Variants in RIPOR3 observed in about 807,000 individuals in gnomAD.
RIPOR3 encodes family with sequence similarity 65 member C.
Under a neutral mutation model 114.3 loss-of-function variants are expected in RIPOR3, and 95 were observed. The observed-to-expected ratio is 0.83, with a 90% CI of 0.70 to 0.99. RIPOR3 has a LOEUF of 0.99. Ranked by LOEUF, RIPOR3 falls within the 50% of genes least tolerant of loss-of-function variation. The pLI, the probability that RIPOR3 is intolerant of heterozygous loss-of-function variation, is 0.00. For missense variants in RIPOR3, 1,252 were observed against 1,266.9 expected (o/e 0.99, Z 0.18); for synonymous variants, 575 against 543.8 (o/e 1.06, Z -0.80).
At chr20:50,609,268 G>A (rs148160992) in intron 8 of RIPOR3, 25 bp downstream of exon 8, 38 of 1,611,536 alleles carry the variant, frequency 2.4e-5, no homozygotes, top group Middle Eastern at 3.3e-4. Context: ...AAAGGCCTCC[G>A]CCCACCCCCT....
intron 19 of RIPOR3, among the ~76,000 whole-genome samples, chr20:50,591,228 G>C (rs2083097249): frequency 1.3e-5 from 2 of 152,170 alleles, no homozygotes; most frequent in South Asian, 4.1e-4. Flanking sequence ...TTGGAAATTT[G>C]AACATAAGAT....
chr20:50,690,487 C>T (rs1345380861), intron 1 of RIPOR3, among the ~76,000 whole-genome samples: 1 of 152,178 alleles, frequency 6.6e-6, no homozygotes, highest in Non-Finnish European at 1.5e-5. Flanking sequence ...GTCAGCCTGT[C>T]ACTCCTTCTG....
At chr20:50,641,632 A>C (rs1391391779) in intron 1 of RIPOR3, among the ~76,000 whole-genome samples, 2 of 152,200 alleles carry the variant, frequency 1.3e-5, no homozygotes, top group African/African-American at 4.8e-5. Flanking sequence ...GACCCCTTCC[A>C]GCCATCCTGG....
At chr20:50,688,357 G>A (rs2087097559) in intron 1 of RIPOR3, among the ~76,000 whole-genome samples, 1 of 151,974 alleles carries the variant, frequency 6.6e-6, no homozygotes, top group Middle Eastern at 3.2e-3. Context: ...GTCTTGTTAT[G>A]TTGCCCAGGC....
chr20:50,618,147 G>A (rs2084248647), intron 3 of RIPOR3, among the ~76,000 whole-genome samples: 1 of 151,888 alleles, frequency 6.6e-6, no homozygotes, highest in Non-Finnish European at 1.5e-5. Flanking sequence ...GATGCCTGTA[G>A]TCCCAGCTCC....
intron 1 of RIPOR3, among the ~76,000 whole-genome samples, chr20:50,689,681 A>T (rs570816310): frequency 2.6e-5 from 4 of 152,284 alleles, no homozygotes; most frequent in African/African-American, 9.6e-5. Flanking sequence ...GAGAAAATCC[A>T]GGGTGGAACT....
At chr20:50,606,872 G>GTA (rs2083741529) in intron 11 of RIPOR3, among the ~76,000 whole-genome samples, 1 of 152,110 alleles carries the variant, frequency 6.6e-6, no homozygotes, top group African/African-American at 2.4e-5. Context: ...TGAAACTATA[G>GTA]GCCCGTGCCA....
intron 2 of RIPOR3, among the ~76,000 whole-genome samples, chr20:50,629,447 G>A (rs185511727): frequency 2.6e-5 from 4 of 152,294 alleles, no homozygotes; most frequent in East Asian, 1.9e-4. Flanking sequence ...GCCCTGGAGC[G>A]AGGGGGCAGC....
At chr20:50,651,626 G>A (rs2085616937) in intron 1 of RIPOR3, among the ~76,000 whole-genome samples, 1 of 152,120 alleles carries the variant, frequency 6.6e-6, no homozygotes, top group African/African-American at 2.4e-5. Flanking sequence ...GTGGAACGTT[G>A]TCCACACTCC....
chr20:50,687,554 C>T (rs1423381138), intron 1 of RIPOR3, among the ~76,000 whole-genome samples: 3 of 152,064 alleles, frequency 2.0e-5, no homozygotes, highest in South Asian at 2.1e-4. Flanking sequence ...TGTGCATGGG[C>T]GAGTACATAT....
intron 1 of RIPOR3, among the ~76,000 whole-genome samples, chr20:50,685,819 CA>C (rs541595639): frequency 1.2e-4 from 14 of 112,998 alleles, no homozygotes; most frequent in African/African-American, 2.7e-4. Context: ...GACTCTGTCT[CA>C]AAAAAAAAAA....
chr20:50,629,296 C>G (rs2084734396), intron 2 of RIPOR3, among the ~76,000 whole-genome samples: 1 of 152,194 alleles, frequency 6.6e-6, no homozygotes, highest in Non-Finnish European at 1.5e-5. Flanking sequence ...TCTGCTCTGG[C>G]TGGGGACCCC....
At chr20:50,633,192 G>A (rs1028598085) in intron 1 of RIPOR3, among the ~76,000 whole-genome samples, 3 of 152,184 alleles carry the variant, frequency 2.0e-5, no homozygotes, top group Non-Finnish European at 4.4e-5. Context: ...AACCTGGGAG[G>A]TGGAGGTTGC....
chr20:50,674,096 C>T (rs756548094), intron 1 of RIPOR3, among the ~76,000 whole-genome samples: 1 of 152,110 alleles, frequency 6.6e-6, no homozygotes, highest in Non-Finnish European at 1.5e-5. Context: ...TCCTTTTCCC[C>T]CGCTTTTTAT....
rs1204602842 is a variant in RIPOR3 at position 50,587,191 on chromosome 20, A to G, written c.*41T>C. 6.5e-7 allele frequency: 1 copy of G among 1,548,336 alleles called. No homozygotes were observed. On this transcript the variant is annotated 3_prime_UTR_variant, in exon 22 of 22. Coordinates refer to ENST00000327979, the MANE Select transcript of RIPOR3 (RefSeq NM_001290268.2). ...GCTATGTCCAGGCTGGGCAGCAGCA[A>G]AAAAAACGATGTGAGATTTGTGCTC...
chr20:50,682,134 C>T (rs1318516893), intron 1 of RIPOR3, among the ~76,000 whole-genome samples: 1 of 152,160 alleles, frequency 6.6e-6, no homozygotes, highest in Non-Finnish European at 1.5e-5. Context: ...GTACAAGAAC[C>T]CTCAAAGCAG....
chr20:50,649,857 GC>G (rs1210818923), intron 1 of RIPOR3, among the ~76,000 whole-genome samples: 1 of 152,182 alleles, frequency 6.6e-6, no homozygotes, highest in Non-Finnish European at 1.5e-5. Context: ...GATGATCTGG[GC>G]GCCAAAAGCC....
At chr20:50,608,320 C>G in intron 11 of RIPOR3, 69 bp downstream of exon 11, 1 of 1,599,694 alleles carries the variant, frequency 6.3e-7, no homozygotes, top group Non-Finnish European at 8.5e-7. Context: ...AACCCAGGGC[C>G]AGAGTGTGGC....
intron 14 of RIPOR3, chr20:50,597,012 CTGAAA>C (rs1339018996): frequency 1.3e-5 from 2 of 152,818 alleles, no homozygotes; most frequent in Non-Finnish European, 2.9e-5. Flanking sequence ...TTCGCCCAGG[CTGAAA>C]TGTAGTGGTG....
Sources: gnomAD v4.1 joint callset for allele counts (sites outside exome capture counted in the v4.1 genomes callset) on GRCh38, gnomAD v4.1.1 for gene constraint, MANE v1.5 for transcripts, NCBI Gene and HGNC (gene_info 2026-07-23, HGNC 2026-07-21) for gene names.